The following PTGER4 variants were observed in gnomAD, a reference collection of about 807,000 sequenced individuals.
The protein encoded by PTGER4 is prostaglandin E2 receptor EP4 subtype.
A neutral mutation model predicts 33.2 loss-of-function variants in PTGER4; 11 were observed. That is an observed-to-expected ratio of 0.33 (90% CI 0.21 to 0.55). The LOEUF is 0.55. PTGER4 is among the 20% of genes least tolerant of loss of function. PTGER4 has a pLI of 0.92. For synonymous variants in PTGER4, 275 were observed against 281.5 expected, an observed-to-expected ratio of 0.98 and a Z score of 0.23; for missense variants, 481 against 650.2, an observed-to-expected ratio of 0.74 and a Z score of 2.83.
the PTGER4 span, chr5:40,714,974 T>C: frequency 2.0e-5 from 3 of 152,162 alleles, no homozygotes; most frequent in South Asian, 6.2e-4. Context: ...TAGTTCAGAT[T>C]AGCAATGACA....
At position 40,683,442 on chromosome 5, in the gene PTGER4, T is replaced by G. The variant is rs571077209; in HGVS notation, c.867+1582T>G. Among the ~76,000 whole-genome samples the G allele has an allele frequency of 1.3e-5, 2 of 152,318 alleles. No individual in the cohort carries two copies. The highest frequency in any genetic ancestry group is 2.9e-5 in the Non-Finnish European group (2 of 68,020). ...TATTTTACTGTCTGTAATGGCAACC[T>G]AGAATAAAGTGAGATTTTGGAAGAA... is the stretch of plus-strand genomic sequence containing the variant. On this transcript the variant is annotated intron_variant, in intron 2 of 2. Coordinates refer to ENST00000302472, the MANE Select transcript of PTGER4 (RefSeq NM_000958.3). This position sits in a 1 kb window ranked among gnomAD's most constrained non-coding sequence, Gnocchi z 4.2.
intron 2 of PTGER4, among the ~76,000 whole-genome samples, chr5:40,688,624 C>T (rs975815510): frequency 6.6e-6 from 1 of 152,208 alleles, no homozygotes; most frequent in African/African-American, 2.4e-5. Context: ...CTCAAAACCT[C>T]TGGGTCTCAG....
At chr5:40,741,158 C>T in the PTGER4 span, among the ~76,000 whole-genome samples, 1 of 152,190 alleles carries the variant, frequency 6.6e-6, no homozygotes, top group Non-Finnish European at 1.5e-5. Flanking sequence ...TTAAATGTTA[C>T]ACTGTTGACT....
the PTGER4 span, among the ~76,000 whole-genome samples, chr5:40,718,981 C>T: frequency 6.6e-6 from 1 of 152,092 alleles, no homozygotes; most frequent in Non-Finnish European, 1.5e-5. Context: ...TAATAAAAAT[C>T]CACCTATATA....
the PTGER4 span, among the ~76,000 whole-genome samples, chr5:40,713,658 T>C: frequency 2.0e-5 from 3 of 152,332 alleles, no homozygotes; most frequent in East Asian, 3.9e-4. Context: ...TCTGGATGTC[T>C]AGACACTCTG....
chr5:40,744,685 T>G, the PTGER4 span, among the ~76,000 whole-genome samples: 1 of 152,210 alleles, frequency 6.6e-6, no homozygotes. Flanking sequence ...CTATTCCTGC[T>G]GGTCATACAT....
chr5:40,716,599 C>A, the PTGER4 span: 5 of 742,874 alleles, frequency 6.7e-6, no homozygotes, highest in Non-Finnish European at 1.1e-5. Flanking sequence ...ACATACACAT[C>A]CTAATGCATT....
the PTGER4 span, among the ~76,000 whole-genome samples, chr5:40,712,329 T>C: frequency 6.6e-6 from 1 of 152,160 alleles, no homozygotes; most frequent in African/African-American, 2.4e-5. Flanking sequence ...ATATATCTCA[T>C]GCTTACTTCG....
chr5:40,697,318 G>A (rs1741635731), downstream of PTGER4, among the ~76,000 whole-genome samples: 1 of 151,104 alleles, frequency 6.6e-6, no homozygotes, highest in Non-Finnish European at 1.5e-5. Context: ...AGGCACAGTG[G>A]CTCACGCCTG....
At chr5:40,695,968 G>T (rs1347145645), downstream of PTGER4, among the ~76,000 whole-genome samples, 1 of 151,966 alleles carries the variant, frequency 6.6e-6, no homozygotes, top group East Asian at 1.9e-4. Flanking sequence ...TAACCTACTG[G>T]GTACTATGTT....
rs760488695 is a variant in PTGER4 at position 40,681,069 on chromosome 5, G to T, written c.76G>T (p.Val26Leu). 1 of 1,614,100 alleles carries T rather than the reference G, an allele frequency of 6.2e-7. No individual in the cohort carries two copies. Among genetic ancestry groups the T allele is most frequent in the Non-Finnish European group, 8.5e-7 (1 of 1,180,036 alleles). The change falls in exon 2 of 3, where the codon GTG becomes TTG. Residue 26 changes from valine to leucine, a missense_variant. Val to Leu is a conservative substitution (Grantham distance 32). Coordinates refer to ENST00000302472, the MANE Select transcript of PTGER4 (RefSeq NM_000958.3). This position sits in a 1 kb window ranked among gnomAD's most constrained non-coding sequence, Gnocchi z 9.8. ...RLNSPVTIPA[V>L]MFIFGVVGNL... ...GAACAGCCCAGTGACCATCCCGGCGGTGATGTTCATCTTCGGGGTGGTGGG... is the reference window on the plus strand; with the variant it reads ...GAACAGCCCAGTGACCATCCCGGCGTTGATGTTCATCTTCGGGGTGGTGGG...
chr5:40,745,885 C>G, the PTGER4 span, among the ~76,000 whole-genome samples: 9 of 151,984 alleles, frequency 5.9e-5, no homozygotes, highest in Non-Finnish European at 8.8e-5. Flanking sequence ...CTAGTATAAG[C>G]CACTGCACCC....
At chr5:40,745,888 C>T in the PTGER4 span, among the ~76,000 whole-genome samples, 1 of 152,070 alleles carries the variant, frequency 6.6e-6, no homozygotes, top group Non-Finnish European at 1.5e-5. Context: ...GTATAAGCCA[C>T]TGCACCCAGC....
At chr5:40,721,918 T>A in the PTGER4 span, among the ~76,000 whole-genome samples, 1 of 152,150 alleles carries the variant, frequency 6.6e-6, no homozygotes, top group Non-Finnish European at 1.5e-5. Context: ...AACTTTCAAA[T>A]ATATAAGAAA....
At chr5:40,707,622 C>T in the PTGER4 span, among the ~76,000 whole-genome samples, 28 of 152,202 alleles carry the variant, frequency 1.8e-4, no homozygotes, top group South Asian at 4.1e-4. Flanking sequence ...GACAGATCCA[C>T]GAGACAGAAA....
At position 40,680,998 on chromosome 5, in the gene PTGER4, C is replaced by T. The variant is rs765308005; in HGVS notation, c.5C>T (p.Ser2Phe). 3 of 1,609,252 alleles carry T rather than the reference C, an allele frequency of 1.9e-6. No individual in the cohort carries two copies. The highest frequency in any genetic ancestry group is 2.5e-6 in the Non-Finnish European group (3 of 1,177,502). Residue 2 changes from serine (S) to phenylalanine (F), a missense_variant, in exon 2 of 3, where the codon TCC becomes TTC. By Grantham distance (155) the Ser-to-Phe change is radical. Around this residue, in one of 7 missense-constraint regions of PTGER4, gnomAD observed 26 missense variants for 21.0 expected, o/e 1.24. Coordinates refer to ENST00000302472, the MANE Select transcript of PTGER4 (RefSeq NM_000958.3). The surrounding 1 kb of genome is among the most constrained non-coding windows in gnomAD (Gnocchi z 5.5). Reference protein sequence around the residue: MSTPGVNSSASL... With the variant: MFTPGVNSSASL... The stretch of plus-strand genomic sequence containing the variant: ...TGCGCACCGCCAGCCACTATCATGT[C>T]CACTCCCGGGGTCAATTCGTCCGCC...
At chr5:40,684,596 CA>C (rs1200414933) in intron 2 of PTGER4, among the ~76,000 whole-genome samples, 2 of 152,110 alleles carry the variant, frequency 1.3e-5, no homozygotes, top group African/African-American at 4.8e-5. Context: ...CCAAAATATA[CA>C]TATTTCATAA....
At chr5:40,743,696 C>T in the PTGER4 span, among the ~76,000 whole-genome samples, 38 of 152,228 alleles carry the variant, frequency 2.5e-4, no homozygotes, top group Non-Finnish European at 5.0e-4. Context: ...ATTGCTTAAA[C>T]CTAGGAGAAG....
rs779815293 is a variant in PTGER4, at chr5:40,681,787, G to T, written c.794G>T (p.Gly265Val). Residue 265 changes from glycine (G) to valine (V), a missense_variant, in exon 2 of 3, where the codon GGC becomes GTC. Transcript: ENST00000302472. The surrounding 1 kb of genome is among the most constrained non-coding windows in gnomAD (Gnocchi z 9.8). ...CGCCGGAGCTTCCGCCGCATCGCGG[G>T]CGCCGAGATCCAGATGGTCATCTTA... ...RRRRSFRRIA[G>V]AEIQMVILLI... 3.8e-6 allele frequency: 6 copies of T among 1,595,168 alleles called. No homozygotes were observed. The highest frequency in any genetic ancestry group is 1.7e-4 in the Middle Eastern group (1 of 5,982).
Sources: allele counts gnomAD v4.1 joint callset (sites outside exome capture counted in the v4.1 genomes callset), GRCh38; gene constraint gnomAD v4.1.1; regional missense constraint gnomAD v4.1.1; non-coding constraint Gnocchi (gnomAD v3.1); transcripts MANE v1.5; gene names NCBI Gene and HGNC (gene_info 2026-07-23, HGNC 2026-07-21).